Variants in THBS1 observed in about 807,000 individuals in gnomAD.
The protein encoded by THBS1 is thrombospondin-1.
Under a neutral mutation model 126.1 loss-of-function variants are expected in THBS1, and 29 were observed. That is an observed-to-expected ratio of 0.23 (90% CI 0.17 to 0.31). The LOEUF (loss-of-function observed/expected upper bound fraction) is 0.31. Ranked by LOEUF, THBS1 falls within the 10% of genes least tolerant of loss-of-function variation. The probability of loss-of-function intolerance (pLI) is 1.00; values close to 1 mark genes in which losing one functional copy is unlikely to be tolerated. For synonymous variants in THBS1, 496 were observed against 577.8 expected (o/e 0.86, Z 2.03); for missense variants, 1,198 against 1,545.2 (o/e 0.78, Z 3.77).
In THBS1 at chr15:39,589,182, C is replaced by T. The variant is rs199572900; in HGVS notation, c.1774-20C>T. 157 of 1,613,904 alleles carry T rather than the reference C, an allele frequency of 9.7e-5. No homozygotes were observed. In the African/African-American group the frequency reaches 1.5e-3, roughly 15 times the overall value. ...GGCAGTGACTTCTAAACATGATGCA[C>T]GCTCTTATTTCCTCCATAGTGCAAA... On this transcript the variant is annotated intron_variant, in intron 11 of 21. Coordinates refer to ENST00000260356, the MANE Select transcript of THBS1 (RefSeq NM_003246.4). The surrounding 1 kb of genome is among the most constrained non-coding windows in gnomAD (Gnocchi z 4.7).
At position 39,588,535 on chromosome 15, in the gene THBS1, G is replaced by T. The variant is rs746755727; in HGVS notation, c.1481G>T (p.Gly494Val). 6.4e-7 allele frequency: 1 copy of T among 1,553,550 alleles called. No homozygotes were observed. The highest frequency in any genetic ancestry group is 8.7e-7 in the Non-Finnish European group (1 of 1,154,978). ...CKKDACPINGGWGPWSPWDIC... is the reference protein window; with the variant it reads ...CKKDACPINGVWGPWSPWDIC... ...GTTCATCTTCTTACAGTCAATGGAG[G>T]CTGGGGTCCTTGGTCACCATGGGAC... Residue 494 changes from glycine (G) to valine (V), a missense_variant, in exon 10 of 22, where the codon GGC becomes GTC. Physicochemically the swap from Gly to Val is moderately radical, Grantham distance 109. Around this residue, in one of 4 missense-constraint regions of THBS1, gnomAD observed 663 missense variants for 860.1 expected, o/e 0.77. Transcript: ENST00000260356.
At chr15:39,583,877 A>G in intron 4 of THBS1, 111 bp from the exon 5 acceptor site, 1 of 1,370,802 alleles carries the variant, frequency 7.3e-7, no homozygotes, top group East Asian at 2.5e-5. Flanking sequence ...CATACACGCA[A>G]CCCCTCTACC....
Position 39,593,620 on chromosome 15 carries a change from C to T in THBS1, c.3219C>T (p.Gly1073=), listed in dbSNP as rs1195499000. 1.9e-6 allele frequency: 3 copies of T among 1,614,100 alleles called. No homozygotes were observed. Among genetic ancestry groups the T allele is most frequent in the Admixed American group, 1.7e-5 (1 of 60,016 alleles). ...VKVVNSTTGP[G]EHLRNALWHT... ...TTGTAAACTCCACCACAGGGCCTGG[C>T]GAGCACCTGCGGAACGCCCTGTGGC... Residue 1073 remains glycine, a synonymous_variant, in exon 19 of 22, where the codon GGC becomes GGT. Coordinates refer to ENST00000260356, the MANE Select transcript of THBS1 (RefSeq NM_003246.4). The surrounding 1 kb of genome is among the most constrained non-coding windows in gnomAD (Gnocchi z 5.9).
rs147723255 is a variant in THBS1 at position 39,584,902 on chromosome 15, G to A, written c.1026+480G>A. On this transcript the variant is annotated intron_variant, in intron 6 of 21. Coordinates refer to ENST00000260356, the MANE Select transcript of THBS1 (RefSeq NM_003246.4). ...GTGTGTGATTCACTCTAGCATCCCC[G>A]CATGCCAGTGGCCAGTGAGTTTGGA... 5.9e-5 allele frequency among the ~76,000 whole-genome samples: 9 copies of A among 152,308 alleles called. No individual in the cohort carries two copies. In the East Asian group the frequency reaches 9.6e-4, roughly 16 times the overall value.
Position 39,583,666 on chromosome 15 carries a change from T to C in THBS1, c.677T>C (p.Ile226Thr). The C allele has an allele frequency of 6.5e-7, 1 of 1,532,250 alleles. No homozygotes were observed. The highest frequency in any genetic ancestry group is 1.1e-5 in the South Asian group (1 of 89,904). 94.9% of individuals were successfully genotyped at this position (1,532,250 alleles called of 1,614,324 possible). ...RFVFGTTPED[I>T]LRNKGCSSST... Reference sequence around the variant, plus strand: ...GTCTTTGGAACCACACCAGAAGACATCCTCAGGAACAAAGGCTGCTCCAGC... The same window carrying C: ...GTCTTTGGAACCACACCAGAAGACACCCTCAGGAACAAAGGCTGCTCCAGC... Residue 226 changes from isoleucine to threonine, a missense_variant, in exon 4 of 22, where the codon ATC (isoleucine) becomes ACC (threonine). By Grantham distance (89) the Ile-to-Thr change is moderately conservative (BLOSUM62 -1). Around this residue, in one of 4 missense-constraint regions of THBS1, gnomAD observed 663 missense variants for 860.1 expected, o/e 0.77. Transcript: ENST00000260356.
rs1313191022 is a variant in THBS1, at chr15:39,598,391, A to C, written c.*3022A>C. On this transcript the variant is annotated 3_prime_UTR_variant, in exon 22 of 22. Transcript: ENST00000260356. ...GTACCAAGGTGAAGAAGCAGGAACTAGAAAGTGTTGATAATAGCTGTGGAG... is the reference window on the plus strand; with the variant it reads ...GTACCAAGGTGAAGAAGCAGGAACTCGAAAGTGTTGATAATAGCTGTGGAG... 6.6e-6 allele frequency: 1 copy of C among 152,258 alleles called. No individual in the cohort carries two copies. The highest frequency in any genetic ancestry group is 2.4e-5 in the African/African-American group (1 of 41,468). The allele number at this position is 152,258 out of a possible 1,614,324, so 9.4% of individuals were successfully genotyped here.
intron 14 of THBS1, 28 bp downstream of exon 14, chr15:39,590,651 A>G: frequency 1.3e-6 from 2 of 1,594,938 alleles, no homozygotes; most frequent in Non-Finnish European, 8.6e-7. Context: ...TCCCTTTTTC[A>G]TCTTTTCAGT....
rs765398048 is a variant in THBS1, at chr15:39,587,920, G to C, written c.1295-122G>C. 3.1e-6 allele frequency: 3 copies of C among 961,090 alleles called. No individual in the cohort carries two copies. In the Admixed American group the frequency reaches 7.6e-5, roughly 24 times the overall value. The allele number at this position is 961,090 out of a possible 1,614,324, so 59.5% of individuals were successfully genotyped here. On this transcript the variant is annotated intron_variant, in intron 8 of 21. Coordinates refer to ENST00000260356, the MANE Select transcript of THBS1 (RefSeq NM_003246.4). ...ATGTGGCCAGGAGCCAATTTCTACC[G>C]TACACTGGGTTTAGTTGCCATTGAC... is the stretch of plus-strand genomic sequence containing the variant.
Position 39,597,074 on chromosome 15 carries a change from T to C in THBS1, c.*1705T>C, listed in dbSNP as rs988849202. On this transcript the variant is annotated 3_prime_UTR_variant, in exon 22 of 22. Coordinates refer to ENST00000260356, the MANE Select transcript of THBS1 (RefSeq NM_003246.4). ...TGTTAAATACAATTTCTGAAAGTTATGTTTTTTTTCTATCATCTGGTATAC... is the reference window on the plus strand; with the variant it reads ...TGTTAAATACAATTTCTGAAAGTTACGTTTTTTTTCTATCATCTGGTATAC... 2 of 152,190 alleles carry C rather than the reference T, an allele frequency of 1.3e-5. No individual in the cohort carries two copies. The highest frequency in any genetic ancestry group is 2.1e-4 in the South Asian group (1 of 4,834). 9.4% of individuals were successfully genotyped at this position (152,190 alleles called of 1,614,324 possible).
Position 39,592,814 on chromosome 15 carries a change from G to A in THBS1, c.2767+12G>A, listed in dbSNP as rs774249942. On this transcript the variant is annotated intron_variant, in intron 17 of 21. Coordinates refer to ENST00000260356, the MANE Select transcript of THBS1 (RefSeq NM_003246.4). This position sits in a 1 kb window ranked among gnomAD's most constrained non-coding sequence, Gnocchi z 4.3. ...GAAGGACTCTGACGGTGAGTCATGG[G>A]AGCCACTTTCTAAGACAGGGACTGC... 25 of 1,607,728 alleles carry A rather than the reference G, an allele frequency of 1.6e-5. No homozygotes were observed. The Admixed American group carries it at 4.0e-4, about 26-fold the overall frequency.
chr15:39,582,393 C>A lies in THBS1; in HGVS notation c.268C>A (p.Leu90Ile). 1 of 1,614,158 alleles carries A rather than the reference C, an allele frequency of 6.2e-7. No homozygotes were observed. Among genetic ancestry groups the A allele is most frequent in the Non-Finnish European group, 8.5e-7 (1 of 1,180,020 alleles). Residue 90 changes from leucine to isoleucine, a missense_variant, in exon 3 of 22, where the codon CTT becomes ATT. Physicochemically the swap from Leu to Ile is conservative, Grantham distance 5 (BLOSUM62 2). This residue lies in a region of THBS1 where 271 missense variants were observed against 277.0 expected (regional missense o/e 0.98). Coordinates refer to ENST00000260356, the MANE Select transcript of THBS1 (RefSeq NM_003246.4). ...DAVRAEKGFLLLASLRQMKKT... is the reference protein window; with the variant it reads ...DAVRAEKGFLILASLRQMKKT... ...TGTGCGGGCAGAAAAGGGTTTCCTC[C>A]TTCTGGCATCCCTGAGGCAGATGAA...
chr15:39,587,627 C>T, intron 8 of THBS1, 107 bp downstream of exon 8: 2 of 1,216,076 alleles, frequency 1.6e-6, no homozygotes, highest in Non-Finnish European at 2.3e-6. Context: ...TCTAGGATCT[C>T]TGGATCCCAA....
At chr15:39,587,772 A>C (rs4291886) in intron 8 of THBS1, among the ~76,000 whole-genome samples, 3,045 of 152,334 alleles carry the variant, frequency 0.02, 101 homozygotes, top group African/African-American at 0.067. Flanking sequence ...CATGTAAAGC[A>C]GTTAGCACTG....
Position 39,593,908 on chromosome 15 carries a change from T to G in THBS1, c.3268-191T>G, listed in dbSNP as rs970629434. Reference sequence around the variant, plus strand: ...TTTCAAACAAAAAAACCTCCTTCCCTCCTCTCTGTCTGCTTTATATGTGTG... The same window carrying G: ...TTTCAAACAAAAAAACCTCCTTCCCGCCTCTCTGTCTGCTTTATATGTGTG... On this transcript the variant is annotated intron_variant, in intron 19 of 21. Coordinates refer to ENST00000260356, the MANE Select transcript of THBS1 (RefSeq NM_003246.4). The surrounding 1 kb of genome is among the most constrained non-coding windows in gnomAD (Gnocchi z 5.9). The G allele has an allele frequency of 2.7e-5, 23 of 862,160 alleles. No individual in the cohort carries two copies. Among genetic ancestry groups the G allele is most frequent in the Non-Finnish European group, 3.8e-5 (22 of 575,344 alleles). 53.4% of individuals were successfully genotyped at this position (862,160 alleles called of 1,614,324 possible).
Position 39,591,531 on chromosome 15 carries a change from C to A in THBS1, c.2440C>A (p.Gln814Lys), listed in dbSNP as rs761531396. 2 of 1,614,198 alleles carry A rather than the reference C, an allele frequency of 1.2e-6. No individual in the cohort carries two copies. Among genetic ancestry groups the A allele is most frequent in the South Asian group, 2.2e-5 (2 of 91,076 alleles). The change falls in exon 16 of 22, where the codon CAG becomes AAG. Residue 814 changes from glutamine (Q) to lysine (K), a missense_variant. Around this residue, in one of 4 missense-constraint regions of THBS1, gnomAD observed 663 missense variants for 860.1 expected, o/e 0.77. Coordinates refer to ENST00000260356, the MANE Select transcript of THBS1 (RefSeq NM_003246.4). ...TATCCTCAATGAACGGGACAACTGC[C>A]AGTACGTCTACAATGTGGACCAGAG... is the stretch of plus-strand genomic sequence containing the variant. ...DGILNERDNC[Q>K]YVYNVDQRDT...
At chr15:39,587,893 GC>G in intron 8 of THBS1, 148 bp from the exon 9 acceptor site, 1 of 708,142 alleles carries the variant, frequency 1.4e-6, no homozygotes, top group Non-Finnish European at 2.3e-6. Flanking sequence ...TGACATTTGG[GC>G]ATGTGGCCAG....
chr15:39,590,738 AGG>A, intron 14 of THBS1, 115 bp downstream of exon 14: 1 of 764,296 alleles, frequency 1.3e-6, no homozygotes, highest in Non-Finnish European at 2.2e-6. Flanking sequence ...ATCAATACAC[AGG>A]ATAATTAGAA....
At chr15:39,581,991 C>T in intron 2 of THBS1, 67 bp downstream of exon 2, 1 of 1,542,146 alleles carries the variant, frequency 6.5e-7, no homozygotes, top group South Asian at 1.1e-5. Flanking sequence ...CCCAGGTGTG[C>T]CCCCTCACGT....
chr15:39,593,565 C>T lies in THBS1; in HGVS notation c.3164C>T (p.Ala1055Val), dbSNP rs1389091780. The part of the protein sequence containing the change: ...QSYWDTNPTR[A>V]QGYSGLSVKV... ...TACTGGGACACCAACCCCACGAGGG[C>T]TCAGGGATACTCGGGCCTTTCTGTG... Residue 1055 changes from alanine (A) to valine (V), a missense_variant, in exon 19 of 22, where the codon GCT (alanine) becomes GTT (valine). This residue lies in a region of THBS1 where 255 missense variants were observed against 373.9 expected (regional missense o/e 0.68). Coordinates refer to ENST00000260356, the MANE Select transcript of THBS1 (RefSeq NM_003246.4). This position sits in a 1 kb window ranked among gnomAD's most constrained non-coding sequence, Gnocchi z 5.9. The T allele has an allele frequency of 6.2e-7, 1 of 1,614,110 alleles. No homozygotes were observed. The highest frequency in any genetic ancestry group is 8.5e-7 in the Non-Finnish European group (1 of 1,180,056).
Sources: allele counts gnomAD v4.1 joint callset (sites outside exome capture counted in the v4.1 genomes callset), GRCh38; gene constraint gnomAD v4.1.1; regional missense constraint gnomAD v4.1.1; non-coding constraint Gnocchi (gnomAD v3.1); transcripts MANE v1.5; gene names NCBI Gene and HGNC (gene_info 2026-07-23, HGNC 2026-07-21).